The following SLAMF6 variants were observed in gnomAD, a reference collection of about 807,000 sequenced individuals.
SLAMF6 encodes the protein NK-T-B-antigen.
Under a neutral mutation model 38.3 loss-of-function variants are expected in SLAMF6, and 21 were observed. The observed-to-expected ratio is 0.55, with a 90% CI of 0.39 to 0.79. SLAMF6 has a LOEUF of 0.79. Ranked by LOEUF, SLAMF6 falls within the 30% of genes least tolerant of loss-of-function variation. SLAMF6 has a pLI of 0.00. For synonymous variants in SLAMF6, 152 were observed against 146.3 expected (o/e 1.04, Z -0.28); for missense variants, 341 against 385.3 (o/e 0.89, Z 0.96).
chr1:160,489,441 C>T (rs1026150992), intron 5 of SLAMF6, among the ~76,000 whole-genome samples: 7 of 152,162 alleles, frequency 4.6e-5, no homozygotes, highest in Non-Finnish European at 7.3e-5. Context: ...ACATGTGGGT[C>T]AGGAAGCTCC....
chr1:160,487,205 A>T (rs938747402), intron 6 of SLAMF6, 30 bp from the exon 7 acceptor site: 1 of 1,591,056 alleles, frequency 6.3e-7, no homozygotes, highest in Non-Finnish European at 8.6e-7. Context: ...AATTTGGCTT[A>T]CACAGAGACA....
intron 1 of SLAMF6, among the ~76,000 whole-genome samples, chr1:160,520,923 C>A (rs1489395356): frequency 6.6e-6 from 1 of 152,176 alleles, no homozygotes. Flanking sequence ...GCCCTAAAAT[C>A]TTCTTCATTT....
intron 1 of SLAMF6, among the ~76,000 whole-genome samples, chr1:160,511,818 C>T (rs763303317): frequency 6.6e-6 from 1 of 152,076 alleles, no homozygotes; most frequent in Non-Finnish European, 1.5e-5. Context: ...TCCAGGCTCA[C>T]TCATTGGGAC....
At chr1:160,490,048 C>T in intron 5 of SLAMF6, 150 bp downstream of exon 5, 1 of 885,370 alleles carries the variant, frequency 1.1e-6, no homozygotes, top group Admixed American at 1.8e-5. Context: ...CCCATGATTA[C>T]AGATCATCTC....
Position 160,488,955 on chromosome 1 carries a change from G to T in SLAMF6, c.879+133C>A, listed in dbSNP as rs998764427. On this transcript the variant is annotated intron_variant, in intron 6 of 7. Transcript: ENST00000368057. Reference sequence around the variant, plus strand: ...CCAGAGTGGTCTAGCGCATAACTTTGCAGCCCCTGTCGCTGTGGCTGTCTT... The same window carrying T: ...CCAGAGTGGTCTAGCGCATAACTTTTCAGCCCCTGTCGCTGTGGCTGTCTT... The T allele has an allele frequency of 7.2e-5, 55 of 765,332 alleles. No homozygotes were observed. The African/African-American group carries it at 8.9e-4, about 12-fold the overall frequency. 47.4% of individuals were successfully genotyped at this position (765,332 alleles called of 1,614,324 possible). A position where few individuals can be genotyped will look rare whatever the true frequency, so the allele number is the denominator to read the frequency against.
chr1:160,504,754 G>A (rs563096467), intron 1 of SLAMF6, among the ~76,000 whole-genome samples: 8 of 152,262 alleles, frequency 5.3e-5, no homozygotes, highest in Admixed American at 2.6e-4. Flanking sequence ...TAGATATGTC[G>A]AATGCCTGGG....
intron 1 of SLAMF6, among the ~76,000 whole-genome samples, chr1:160,500,047 G>A (rs1653802296): frequency 6.6e-6 from 1 of 152,210 alleles, no homozygotes; most frequent in Admixed American, 6.5e-5. Flanking sequence ...CAGAAGTCAA[G>A]AGAGTGGTTA....
intron 1 of SLAMF6, among the ~76,000 whole-genome samples, chr1:160,514,265 C>A (rs1239196135): frequency 6.6e-6 from 1 of 151,900 alleles, no homozygotes; most frequent in African/African-American, 2.4e-5. Flanking sequence ...CCAAAAAAGA[C>A]AAAGAAAGGC....
At chr1:160,507,769 A>G (rs1310025457) in intron 1 of SLAMF6, among the ~76,000 whole-genome samples, 1 of 152,164 alleles carries the variant, frequency 6.6e-6, no homozygotes, top group Non-Finnish European at 1.5e-5. Flanking sequence ...GTCATAATTA[A>G]CATAGTGTAA....
intron 5 of SLAMF6, among the ~76,000 whole-genome samples, chr1:160,489,401 C>T (rs1288827932): frequency 6.6e-6 from 1 of 152,106 alleles, no homozygotes; most frequent in Non-Finnish European, 1.5e-5. Flanking sequence ...GTTGAGGTCC[C>T]CTAAAGCTTC....
At chr1:160,492,120 A>C (rs953536280) in intron 2 of SLAMF6, among the ~76,000 whole-genome samples, 5 of 152,166 alleles carry the variant, frequency 3.3e-5, no homozygotes, top group African/African-American at 9.7e-5. Flanking sequence ...GAGAGCAAAG[A>C]CCAGGAAATA....
rs376154032 is a variant in SLAMF6 at position 160,513,284 on chromosome 1, C to A, written c.49+9860G>T. 2.6e-5 allele frequency among the ~76,000 whole-genome samples: 4 copies of A among 151,886 alleles called. No homozygotes were observed. In the South Asian group the frequency reaches 8.3e-4, roughly 31 times the overall value. ...ATTTAAGAGATTGAAGACTATCTTGCTGAAATAAAATAGGCAGACAAGATT... is the reference window on the plus strand; with the variant it reads ...ATTTAAGAGATTGAAGACTATCTTGATGAAATAAAATAGGCAGACAAGATT... On this transcript the variant is annotated intron_variant, in intron 1 of 7. Transcript: ENST00000368057.
At position 160,489,113 on chromosome 1, in the gene SLAMF6, TAC is replaced by T; in HGVS notation, c.852_853del (p.Tyr285CysfsTer16). 6.2e-7 allele frequency: 1 copy of T among 1,613,936 alleles called. No individual in the cohort carries two copies. Among genetic ancestry groups the T allele is most frequent in the South Asian group, 1.1e-5 (1 of 91,072 alleles). ...CCTGTTTGAATGAGTGACTGAAGCA[TAC>T]ACAGTGTTGTTCGTTGGAGACACTG... is the stretch of plus-strand genomic sequence containing the variant. On this transcript the variant is annotated frameshift_variant, in exon 6 of 8. Coordinates refer to ENST00000368057, the MANE Select transcript of SLAMF6 (RefSeq NM_001184714.2). LOFTEE classifies it high-confidence loss of function.
chr1:160,517,371 G>A (rs61802603), intron 1 of SLAMF6, among the ~76,000 whole-genome samples: 34,010 of 152,154 alleles, frequency 0.22, 4,524 homozygotes, highest in Middle Eastern at 0.37. Flanking sequence ...TGCTTGTGAG[G>A]TTCTGGAGAA....
intron 1 of SLAMF6, among the ~76,000 whole-genome samples, chr1:160,508,587 A>T (rs1457757850): frequency 1.3e-5 from 2 of 152,208 alleles, no homozygotes; most frequent in Non-Finnish European, 2.9e-5. Context: ...ACCATTCAGG[A>T]TATAGGTATG....
Position 160,499,711 on chromosome 1 carries a change from T to G in SLAMF6, c.50-3318A>C, listed in dbSNP as rs528068725. 3.5e-4 allele frequency among the ~76,000 whole-genome samples: 54 copies of G among 152,336 alleles called. 2 individuals are homozygous for G. In the South Asian group the frequency reaches 0.011, roughly 30 times the overall value. On this transcript the variant is annotated intron_variant, in intron 1 of 7. Coordinates refer to ENST00000368057, the MANE Select transcript of SLAMF6 (RefSeq NM_001184714.2). ...CATGAGCATGGAAAGTTGTCATTTC[T>G]GAGGGTTTCTTATTTCTTATAGGAG...
intron 2 of SLAMF6, among the ~76,000 whole-genome samples, chr1:160,494,277 C>G (rs1212960256): frequency 6.6e-6 from 1 of 152,110 alleles, no homozygotes; most frequent in Non-Finnish European, 1.5e-5. Flanking sequence ...CAGCATTGAG[C>G]CTCAAGAGGG....
At chr1:160,494,429 T>C (rs994227975) in intron 2 of SLAMF6, among the ~76,000 whole-genome samples, 1 of 152,150 alleles carries the variant, frequency 6.6e-6, no homozygotes, top group Non-Finnish European at 1.5e-5. Flanking sequence ...TACACTGCCT[T>C]GATAATTACT....
At chr1:160,513,243 C>T (rs768497621) in intron 1 of SLAMF6, among the ~76,000 whole-genome samples, 1 of 151,760 alleles carries the variant, frequency 6.6e-6, no homozygotes, top group Non-Finnish European at 1.5e-5. Context: ...GCCGAATAGA[C>T]CAAGTGGAGG....
Sources: gnomAD v4.1 joint callset for allele counts (sites outside exome capture counted in the v4.1 genomes callset) on GRCh38, gnomAD v4.1.1 for gene constraint, MANE v1.5 for transcripts, NCBI Gene and HGNC (gene_info 2026-07-23, HGNC 2026-07-21) for gene names.